The following CPXM2 variants were observed in gnomAD, a reference collection of about 807,000 sequenced individuals.
CPXM2 encodes carboxypeptidase X, M14 family member 2, also known as inactive carboxypeptidase-like protein X2.
A neutral mutation model predicts 86.1 loss-of-function variants in CPXM2; 66 were observed. That is an observed-to-expected ratio of 0.77 (90% CI 0.63 to 0.94). The LOEUF is 0.94. Among genes scored for constraint, CPXM2 ranks in the 40% least tolerant of loss-of-function variants. CPXM2 has a pLI of 0.00. For synonymous variants in CPXM2, 388 were observed against 400.2 expected (o/e 0.97, Z 0.36); for missense variants, 948 against 1,026.3 (o/e 0.92, Z 1.04).
At chr10:123,826,144 A>G (rs1848041347) in intron 4 of CPXM2, among the ~76,000 whole-genome samples, 1 of 152,218 alleles carries the variant, frequency 6.6e-6, no homozygotes, top group African/African-American at 2.4e-5. Context: ...ACAGATAAGG[A>G]AACTGAAGCA....
intron 2 of CPXM2, among the ~76,000 whole-genome samples, chr10:123,872,605 T>C (rs910102036): frequency 6.6e-6 from 1 of 152,188 alleles, no homozygotes; most frequent in Non-Finnish European, 1.5e-5. Context: ...TGCTAGAAAC[T>C]GGAAACTCTA....
intron 4 of CPXM2, among the ~76,000 whole-genome samples, chr10:123,815,747 C>T (rs140355333): frequency 1.6e-4 from 24 of 152,234 alleles, no homozygotes; most frequent in African/African-American, 5.1e-4. Context: ...CCTGGCAGGC[C>T]CCTAGAGGTA....
At chr10:123,761,639 T>G (rs1846340482) in intron 11 of CPXM2, among the ~76,000 whole-genome samples, 1 of 152,166 alleles carries the variant, frequency 6.6e-6, no homozygotes, top group African/African-American at 2.4e-5. Context: ...CAGATCCCTT[T>G]GGGTCTCCAG....
At position 123,891,788 on chromosome 10, in the gene CPXM2, GGCCGGCTGGCT is replaced by G. The variant is rs1362819113; in HGVS notation, c.-140_-130del. 1 of 523,544 alleles carries G rather than the reference GGCCGGCTGGCT, an allele frequency of 1.9e-6. No homozygotes were observed. Among genetic ancestry groups the G allele is most frequent in the East Asian group, 5.7e-5 (1 of 17,584 alleles). 32.4% of individuals were successfully genotyped at this position (523,544 alleles called of 1,614,324 possible). ...AGCGGCGCGCTTGGGCGCGGGAGGC[GGCCGGCTGGCT>G]GCGCGTGTGACCGGCCCGCGGGGCT... On this transcript the variant is annotated 5_prime_UTR_variant, in exon 1 of 14. Coordinates refer to ENST00000241305, the MANE Select transcript of CPXM2 (RefSeq NM_198148.3). This position sits in a 1 kb window ranked among gnomAD's most constrained non-coding sequence, Gnocchi z 5.6.
intron 2 of CPXM2, among the ~76,000 whole-genome samples, chr10:123,922,939 T>C (rs544450016): frequency 2.0e-5 from 3 of 152,158 alleles, no homozygotes; most frequent in Non-Finnish European, 2.9e-5. Context: ...GTCAACACCT[T>C]AAACGAGTGA....
intron 12 of CPXM2, among the ~76,000 whole-genome samples, chr10:123,755,205 C>G (rs994177126): frequency 6.6e-5 from 10 of 152,320 alleles, no homozygotes; most frequent in Non-Finnish European, 1.3e-4. Flanking sequence ...GGCATGCCCT[C>G]TGAGGCCAGC....
chr10:123,829,907 T>A, intron 4 of CPXM2, among the ~76,000 whole-genome samples: 5 of 136,040 alleles, frequency 3.7e-5, no homozygotes, highest in Non-Finnish European at 3.2e-5. Flanking sequence ...TTGGAAAAAA[T>A]ATGGATCACA....
At chr10:123,859,281 AC>A (rs1392814395) in intron 3 of CPXM2, among the ~76,000 whole-genome samples, 1 of 152,224 alleles carries the variant, frequency 6.6e-6, no homozygotes, top group African/African-American at 2.4e-5. Flanking sequence ...TGCATTTCAA[AC>A]CGTTCTGTGT....
At chr10:123,855,795 G>A (rs1590070572) in intron 3 of CPXM2, among the ~76,000 whole-genome samples, 2 of 152,148 alleles carry the variant, frequency 1.3e-5, no homozygotes, top group Non-Finnish European at 1.5e-5. Flanking sequence ...TACTGGCATC[G>A]AGGTGCTCCA....
Position 123,842,486 on chromosome 10 carries a change from C to T in CPXM2, c.516G>A (p.Ala172=), listed in dbSNP as rs138633933. Residue 172 remains alanine, a splice_region_variant and synonymous_variant, in exon 4 of 14, where the codon GCG becomes GCA. Coordinates refer to ENST00000241305, the MANE Select transcript of CPXM2 (RefSeq NM_198148.3). ...CATAAAAATCATTTTCATTAATGCC[C>T]GCCTAGAAAGAAAGAAAGCGGTGTT... ...GAHRGRLNIQ[A]GINENDFYDG... 1.1e-3 allele frequency: 1,712 copies of T among 1,613,898 alleles called. 20 individuals are homozygous for T. The African/African-American group carries it at 0.021, about 19-fold the overall frequency.
intron 4 of CPXM2, among the ~76,000 whole-genome samples, chr10:123,837,724 TTAAA>T (rs1332078662): frequency 6.6e-6 from 1 of 152,208 alleles, no homozygotes; most frequent in African/African-American, 2.4e-5. Flanking sequence ...TTTAATGATA[TTAAA>T]TAATTTATAT....
At chr10:123,851,537 A>G (rs1241712369) in intron 3 of CPXM2, among the ~76,000 whole-genome samples, 1 of 152,198 alleles carries the variant, frequency 6.6e-6, no homozygotes, top group African/African-American at 2.4e-5. Flanking sequence ...TGGGAGGCCA[A>G]GGCGGGCGGA....
chr10:123,806,836 C>G (rs780176182), intron 4 of CPXM2, among the ~76,000 whole-genome samples: 2 of 151,954 alleles, frequency 1.3e-5, no homozygotes, highest in Non-Finnish European at 2.9e-5. Context: ...GGGAAACTGC[C>G]CCCATGATCC....
At chr10:123,751,118 G>GT (rs1423642709) in intron 13 of CPXM2, 1 of 936,170 alleles carries the variant, frequency 1.1e-6, no homozygotes, top group Non-Finnish European at 1.3e-6. Context: ...GATGAAAGAA[G>GT]TATGCAGACA....
At chr10:123,903,070 C>A (rs928131539) in intron 2 of CPXM2, among the ~76,000 whole-genome samples, 3 of 152,194 alleles carry the variant, frequency 2.0e-5, no homozygotes, top group Non-Finnish European at 4.4e-5. Context: ...CCTGGGGGAG[C>A]CCTCCATGAT....
At chr10:123,880,473 G>A (rs1300180043) in intron 1 of CPXM2, among the ~76,000 whole-genome samples, 164 bp from the exon 2 acceptor site, 1 of 152,016 alleles carries the variant, frequency 6.6e-6, no homozygotes, top group Non-Finnish European at 1.5e-5. Context: ...TTAAAGGAAA[G>A]GAAATGTGTT....
intron 2 of CPXM2, among the ~76,000 whole-genome samples, chr10:123,898,963 T>C (rs1157821350): frequency 2.6e-5 from 4 of 152,140 alleles, no homozygotes; most frequent in African/African-American, 9.7e-5. Flanking sequence ...TTGCCCAGGC[T>C]GGTCTCGAAC....
intron 4 of CPXM2, among the ~76,000 whole-genome samples, chr10:123,799,720 G>A (rs1170456216): frequency 6.6e-6 from 1 of 152,110 alleles, no homozygotes; most frequent in East Asian, 1.9e-4. Flanking sequence ...TTTCTCCTTG[G>A]CTGTCACAGC....
intron 2 of CPXM2, among the ~76,000 whole-genome samples, chr10:123,906,167 A>T (rs941569109): frequency 2.0e-5 from 3 of 152,186 alleles, no homozygotes; most frequent in Non-Finnish European, 4.4e-5. Flanking sequence ...CATGCATTTC[A>T]TCCCAGAAGT....
Sources: gnomAD v4.1 joint callset for allele counts (sites outside exome capture counted in the v4.1 genomes callset) on GRCh38, gnomAD v4.1.1 for gene constraint, Gnocchi (gnomAD v3.1) non-coding constraint, MANE v1.5 for transcripts, NCBI Gene and HGNC (gene_info 2026-07-23, HGNC 2026-07-21) for gene names.